CPAMD8: variants seen among roughly 807,000 people sequenced by gnomAD.
The protein encoded by CPAMD8 is C3 and PZP like alpha-2-macroglobulin domain containing 8.
Under a neutral mutation model 224.7 loss-of-function variants are expected in CPAMD8, and 146 were observed. The ratio of observed to expected loss-of-function variants is 0.65; its 90% CI spans 0.57 to 0.75. The LOEUF (loss-of-function observed/expected upper bound fraction) is 0.75. Ranked by LOEUF, CPAMD8 falls within the 30% of genes least tolerant of loss-of-function variation. The probability of loss-of-function intolerance (pLI) is 0.00; values close to 1 mark genes in which losing one functional copy is unlikely to be tolerated. For missense variants in CPAMD8, 2,301 were observed against 2,537.5 expected, an observed-to-expected ratio of 0.91 and a Z score of 2.00; for synonymous variants, 966 against 1,044.6, an observed-to-expected ratio of 0.92 and a Z score of 1.45.
intron 18 of CPAMD8, 92 bp from the exon 19 acceptor site, chr19:16,958,007 T>C (rs982258399): frequency 8.6e-7 from 1 of 1,169,488 alleles, no homozygotes; most frequent in Admixed American, 2.0e-5. Context: ...TGATCAGATA[T>C]AACGCGTTAA....
At chr19:16,941,833 C>T (rs761847437) in intron 22 of CPAMD8, among the ~76,000 whole-genome samples, 2 of 152,030 alleles carry the variant, frequency 1.3e-5, no homozygotes, top group African/African-American at 2.4e-5. Context: ...ATTATCCGGG[C>T]ATGGTGGCAG....
At chr19:17,021,903 T>C (rs1202421062) in intron 2 of CPAMD8, 127 bp downstream of exon 2, 3 of 350,696 alleles carry the variant, frequency 8.6e-6, no homozygotes, top group African/African-American at 4.4e-5. Context: ...CTCCCTCCCA[T>C]GCCCCTGGGG....
intron 6 of CPAMD8, 137 bp from the exon 7 acceptor site, chr19:17,008,696 C>T (rs1366451927): frequency 1.0e-6 from 1 of 972,218 alleles, no homozygotes; most frequent in African/African-American, 1.6e-5. Context: ...AATCATTAAC[C>T]CCGGGGCAAA....
In CPAMD8 at chr19:17,009,386, C is replaced by G. The variant is rs537215614; in HGVS notation, c.487-66G>C. On this transcript the variant is annotated intron_variant, in intron 5 of 41. Transcript: ENST00000443236. ...AAACCCCAAACCCTTTCAACATGCTCATGCATGGCCTCGGTCCCCGGGACA... is the reference window on the plus strand; with the variant it reads ...AAACCCCAAACCCTTTCAACATGCTGATGCATGGCCTCGGTCCCCGGGACA... The G allele has an allele frequency of 8.2e-4, 1,330 of 1,612,568 alleles. 20 individuals carry two copies. The South Asian group carries it at 0.013, about 16-fold the overall frequency.
chr19:16,901,072 G>T, intron 36 of CPAMD8, 138 bp downstream of exon 36: 1 of 596,162 alleles, frequency 1.7e-6, no homozygotes, highest in South Asian at 2.2e-5. Flanking sequence ...AGGGGGAGGG[G>T]GAGAGGGAGA....
At chr19:16,960,209 C>T (rs1263428747) in intron 18 of CPAMD8, among the ~76,000 whole-genome samples, 1 of 141,146 alleles carries the variant, frequency 7.1e-6, no homozygotes. Flanking sequence ...CTTCTCCTTT[C>T]TCAAAAAAAA....
intron 18 of CPAMD8, among the ~76,000 whole-genome samples, chr19:16,969,817 T>C (rs558032986): frequency 5.3e-4 from 73 of 138,230 alleles, no homozygotes; most frequent in Non-Finnish European, 2.0e-4. Context: ...GAGGTTGCAG[T>C]GAGCCAAGCT....
At chr19:16,932,365 G>A (rs1344383318) in intron 23 of CPAMD8, among the ~76,000 whole-genome samples, 2 of 152,102 alleles carry the variant, frequency 1.3e-5, no homozygotes, top group Non-Finnish European at 2.9e-5. Context: ...AGGCTGCAGT[G>A]AGCCATGATT....
At chr19:17,015,337 T>TC (rs2056782141) in intron 3 of CPAMD8, among the ~76,000 whole-genome samples, 1 of 152,228 alleles carries the variant, frequency 6.6e-6, no homozygotes, top group African/African-American at 2.4e-5. Flanking sequence ...ACTCATGTGG[T>TC]CCCTCAAGGG....
intron 3 of CPAMD8, among the ~76,000 whole-genome samples, chr19:17,019,736 TA>T (rs1485337120): frequency 1.4e-5 from 1 of 73,650 alleles, no homozygotes; most frequent in Admixed American, 1.7e-4. Context: ...ATAATTTTTG[TA>T]TTTTTTTTTT....
At chr19:16,971,822 G>A (rs1204105399) in intron 17 of CPAMD8, among the ~76,000 whole-genome samples, 7 of 152,106 alleles carry the variant, frequency 4.6e-5, no homozygotes, top group African/African-American at 1.2e-4. Flanking sequence ...CGAGGTGGGC[G>A]GATCACTTGA....
chr19:16,909,995 G>A (rs1378421197), intron 29 of CPAMD8, among the ~76,000 whole-genome samples: 1 of 151,210 alleles, frequency 6.6e-6, no homozygotes, highest in African/African-American at 2.4e-5. Context: ...GGGATTACAG[G>A]CACGTGCCAT....
chr19:16,901,751 T>C (rs1464156059), intron 35 of CPAMD8, among the ~76,000 whole-genome samples: 1 of 152,118 alleles, frequency 6.6e-6, no homozygotes, highest in African/African-American at 2.4e-5. Context: ...GGGAGGTAAC[T>C]GGGCACTCTC....
rs780665176 is a variant in CPAMD8, at chr19:17,002,349, C to T, written c.675G>A (p.Val225=). The T allele has an allele frequency of 1.1e-5, 17 of 1,602,958 alleles. No homozygotes were observed. The highest frequency in any genetic ancestry group is 1.3e-5 in the Non-Finnish European group (15 of 1,173,302). The change falls in exon 9 of 42, where the codon GTG becomes GTA. Residue 225 remains valine (V), a splice_region_variant and synonymous_variant. Transcript: ENST00000443236. ...YNKSFEVQKY[V]LPKFELLIDP... is the part of the protein sequence containing the mutation. ...CAATCAGAAGCTCAAACTTGGGCAA[C>T]ACTGAAGAAAGCAAGCAGAGAGGAG... is the stretch of plus-strand genomic sequence containing the variant.
At chr19:17,002,936 CTG>C (rs1240722705) in intron 8 of CPAMD8, among the ~76,000 whole-genome samples, 21 of 145,932 alleles carry the variant, frequency 1.4e-4, no homozygotes, top group Non-Finnish European at 1.5e-5. Flanking sequence ...CAGATTGTCA[CTG>C]TGTTTCCCAG....
chr19:16,914,549 T>TC, intron 28 of CPAMD8, 51 bp from the exon 29 acceptor site: 5 of 1,608,746 alleles, frequency 3.1e-6, no homozygotes, highest in Non-Finnish European at 4.3e-6. Context: ...ACAGTCCACT[T>TC]CCCCCCACTT....
At chr19:16,979,618 CCATCCATT>C (rs1158222194) in intron 14 of CPAMD8, among the ~76,000 whole-genome samples, 2 of 151,980 alleles carry the variant, frequency 1.3e-5, no homozygotes, top group African/African-American at 4.8e-5. Flanking sequence ...ATCCATCCAT[CCATCCATT>C]CATCCATCTT....
intron 34 of CPAMD8, 78 bp from the exon 35 acceptor site, chr19:16,902,941 G>T: frequency 1.3e-6 from 1 of 799,904 alleles, no homozygotes; most frequent in Non-Finnish European, 2.0e-6. Flanking sequence ...GAGAAGGGCA[G>T]TGGGGAGGTG....
intron 18 of CPAMD8, among the ~76,000 whole-genome samples, chr19:16,967,975 C>T (rs1343393260): frequency 4.4e-5 from 2 of 45,736 alleles, no homozygotes; most frequent in Non-Finnish European, 8.6e-5. Context: ...GTGTTTGTTC[C>T]AATTACAAAA....
Sources: gnomAD v4.1 joint callset for allele counts (sites outside exome capture counted in the v4.1 genomes callset) on GRCh38, gnomAD v4.1.1 for gene constraint, MANE v1.5 for transcripts, NCBI Gene and HGNC (gene_info 2026-07-23, HGNC 2026-07-21) for gene names.